BRAF: variants seen among roughly 807,000 people sequenced by gnomAD.
The protein encoded by BRAF is B-Raf proto-oncogene, serine/threonine kinase.
A neutral mutation model predicts 104.6 loss-of-function variants in BRAF; 16 were observed. That is an observed-to-expected ratio of 0.15 (90% CI 0.10 to 0.23). The LOEUF is 0.23. BRAF is among the 10% of genes least tolerant of loss of function. The probability of loss-of-function intolerance (pLI) is 1.00; values close to 1 mark genes in which losing one functional copy is unlikely to be tolerated. For missense variants in BRAF, 541 were observed against 937.3 expected (o/e 0.58, Z 5.52); for synonymous variants, 310 against 341.6 (o/e 0.91, Z 1.02).
intron 13 of BRAF, among the ~76,000 whole-genome samples, chr7:140,777,788 G>C (rs1800475662): frequency 1.3e-5 from 2 of 152,146 alleles, no homozygotes; most frequent in South Asian, 4.1e-4. Flanking sequence ...CTAGGACTAA[G>C]TATTCTATCA....
At chr7:140,740,245 C>A in intron 17 of BRAF, 1 of 292,996 alleles carries the variant, frequency 3.4e-6, no homozygotes, top group Non-Finnish European at 6.4e-6. Context: ...CCATCTAAAA[C>A]AGATCTGACA....
intron 12 of BRAF, among the ~76,000 whole-genome samples, chr7:140,778,880 T>A (rs1800576411): frequency 6.6e-6 from 1 of 152,208 alleles, no homozygotes; most frequent in Non-Finnish European, 1.5e-5. Context: ...AATTCTGTCC[T>A]AGGTATATAT....
At chr7:140,827,904 A>AT (rs965748711) in intron 3 of BRAF, among the ~76,000 whole-genome samples, 14 of 151,482 alleles carry the variant, frequency 9.2e-5, no homozygotes, top group Non-Finnish European at 1.5e-4. Context: ...TTATTTATTT[A>AT]TTTTTTTTTG....
intron 14 of BRAF, chr7:140,758,356 T>C (rs777057351): frequency 2.0e-5 from 3 of 152,214 alleles, no homozygotes; most frequent in Non-Finnish European, 2.9e-5. Context: ...CATTTATCAC[T>C]TTAAAAATAA....
In BRAF at chr7:140,882,011, T is replaced by A. The variant is rs182376202; in HGVS notation, c.139-31799A>T. ...TAAAATGTGACACAGAGACACAAAG[T>A]GAGCATGTGCTGTTGGAAAAATGGC... On this transcript the variant is annotated intron_variant, in intron 1 of 19. Coordinates refer to ENST00000644969, the MANE Select transcript of BRAF (RefSeq NM_001374258.1). Among the ~76,000 whole-genome samples the A allele has an allele frequency of 3.9e-5, 6 of 152,234 alleles. No individual in the cohort carries two copies. The East Asian group carries it at 1.2e-3, about 29-fold the overall frequency.
At chr7:140,885,281 G>C (rs1234405129) in intron 1 of BRAF, among the ~76,000 whole-genome samples, 1 of 151,986 alleles carries the variant, frequency 6.6e-6, no homozygotes, top group Non-Finnish European at 1.5e-5. Flanking sequence ...GGGATTACAG[G>C]TGTGAGCCAC....
chr7:140,878,192 G>A (rs1458043471), intron 1 of BRAF, among the ~76,000 whole-genome samples: 1 of 151,768 alleles, frequency 6.6e-6, no homozygotes, highest in Non-Finnish European at 1.5e-5. Flanking sequence ...AAAACTGATG[G>A]CATACAGCAA....
At chr7:140,795,548 G>C (rs917279603) in intron 7 of BRAF, among the ~76,000 whole-genome samples, 2 of 152,096 alleles carry the variant, frequency 1.3e-5, no homozygotes, top group Non-Finnish European at 2.9e-5. Flanking sequence ...GTGAGGAATG[G>C]GAAAAAAATA....
At chr7:140,750,430 G>A (rs1234871992) in intron 16 of BRAF, among the ~76,000 whole-genome samples, 1 of 152,100 alleles carries the variant, frequency 6.6e-6, no homozygotes, top group African/African-American at 2.4e-5. Flanking sequence ...TCAACGTCCA[G>A]ACTACACTCC....
intron 3 of BRAF, among the ~76,000 whole-genome samples, chr7:140,812,085 T>C (rs1342855721): frequency 6.6e-6 from 1 of 152,110 alleles, no homozygotes; most frequent in Non-Finnish European, 1.5e-5. Context: ...TCTTTTTTTC[T>C]TTTTTATCTT....
At chr7:140,759,869 T>C (rs749542931) in intron 14 of BRAF, among the ~76,000 whole-genome samples, 29 of 152,212 alleles carry the variant, frequency 1.9e-4, no homozygotes, top group Non-Finnish European at 2.8e-4. Flanking sequence ...CAGTCTTTGA[T>C]TCAGGTCTGG....
chr7:140,746,691 G>T (rs1177193982), intron 17 of BRAF, among the ~76,000 whole-genome samples: 1 of 151,948 alleles, frequency 6.6e-6, no homozygotes, highest in African/African-American at 2.4e-5. Flanking sequence ...AATTAGCTGG[G>T]TGTAGTGCTG....
intron 18 of BRAF, among the ~76,000 whole-genome samples, chr7:140,739,140 T>C (rs1341563656): frequency 6.6e-6 from 1 of 151,740 alleles, no homozygotes; most frequent in Non-Finnish European, 1.5e-5. Context: ...AAAGCAGTGG[T>C]TCACAAAATG....
At chr7:140,811,348 T>C (rs1586249976) in intron 3 of BRAF, among the ~76,000 whole-genome samples, 1 of 152,070 alleles carries the variant, frequency 6.6e-6, no homozygotes, top group East Asian at 1.9e-4. Flanking sequence ...GTCCAGAGGC[T>C]AAGGCAGAGT....
At chr7:140,779,464 G>A (rs1487786658) in intron 12 of BRAF, among the ~76,000 whole-genome samples, 3 of 152,172 alleles carry the variant, frequency 2.0e-5, no homozygotes, top group Non-Finnish European at 2.9e-5. Flanking sequence ...GGGACCAGAA[G>A]TGTCTCAAAT....
intron 1 of BRAF, among the ~76,000 whole-genome samples, chr7:140,891,535 T>C (rs1056916341): frequency 6.6e-5 from 10 of 152,226 alleles, no homozygotes; most frequent in African/African-American, 2.4e-4. Context: ...CTAATACTTT[T>C]GATCTGCAGT....
chr7:140,851,176 T>A (rs1044814257), intron 1 of BRAF, among the ~76,000 whole-genome samples: 1 of 152,112 alleles, frequency 6.6e-6, no homozygotes, highest in African/African-American at 2.4e-5. Context: ...ATATCTGTTT[T>A]AAGATAAATA....
chr7:140,765,843 C>G (rs1331172379), intron 14 of BRAF, among the ~76,000 whole-genome samples: 2 of 150,982 alleles, frequency 1.3e-5, no homozygotes, highest in African/African-American at 4.9e-5. Flanking sequence ...CACTTTTACA[C>G]TGTTGGTGGG....
At chr7:140,805,145 A>T (rs910602980) in intron 5 of BRAF, among the ~76,000 whole-genome samples, 1 of 152,226 alleles carries the variant, frequency 6.6e-6, no homozygotes, top group Non-Finnish European at 1.5e-5. Context: ...TGTTCCATTA[A>T]GAATAGAAAG....
Sources: allele counts gnomAD v4.1 joint callset (sites outside exome capture counted in the v4.1 genomes callset), GRCh38; gene constraint gnomAD v4.1.1; transcripts MANE v1.5; gene names NCBI Gene and HGNC (gene_info 2026-07-23, HGNC 2026-07-21).